UBXN7: variants seen among roughly 807,000 people sequenced by gnomAD.
The protein encoded by UBXN7 is UBX domain protein 7.
In UBXN7, 9 loss-of-function variants were observed where a neutral mutation model predicts 58.0. That is an observed-to-expected ratio of 0.16 (90% CI 0.09 to 0.27). UBXN7 has a LOEUF of 0.27. Ranked by LOEUF, UBXN7 falls within the 10% of genes least tolerant of loss-of-function variation. The probability of loss-of-function intolerance (pLI) is 1.00; values close to 1 mark genes in which losing one functional copy is unlikely to be tolerated. For missense variants in UBXN7, 328 were observed against 599.6 expected (o/e 0.55, Z 4.73); for synonymous variants, 208 against 205.0 (o/e 1.01, Z -0.12).
At chr3:196,407,461 T>C in intron 1 of UBXN7, 68 bp from the exon 2 acceptor site, 1 of 1,523,232 alleles carries the variant, frequency 6.6e-7, no homozygotes, top group Non-Finnish European at 8.7e-7. Context: ...TTTCTTCAGC[T>C]CATATTAGAA....
At chr3:196,398,810 A>T (rs766523842) in intron 3 of UBXN7, among the ~76,000 whole-genome samples, 2 of 151,686 alleles carry the variant, frequency 1.3e-5, no homozygotes, top group Non-Finnish European at 2.9e-5. Context: ...TTTTTTCTTA[A>T]TTTTTTGTAG....
At chr3:196,397,341 A>G (rs1370701234) in intron 3 of UBXN7, among the ~76,000 whole-genome samples, 1 of 152,242 alleles carries the variant, frequency 6.6e-6, no homozygotes, top group South Asian at 2.1e-4. Flanking sequence ...ACATGTCCAC[A>G]TATCTGTTCG....
intron 1 of UBXN7, among the ~76,000 whole-genome samples, chr3:196,417,723 T>TAAAAAAAAAAAAAAAAAAAAAAAA (rs1730541556): frequency 1.3e-5 from 1 of 78,438 alleles, no homozygotes; most frequent in Non-Finnish European, 2.4e-5. Flanking sequence ...GGCAAAATGG[T>TAAAAAAAAAAAAAAAAAAAAAAAA]TAAAAAAAAA....
rs532285680 is a variant in UBXN7 at position 196,426,772 on chromosome 3, C to T, written c.73+5555G>A. Among the ~76,000 whole-genome samples, 8 of 151,186 alleles carry T rather than the reference C, an allele frequency of 5.3e-5. No individual in the cohort carries two copies. In the South Asian group the frequency reaches 1.7e-3, roughly 32 times the overall value. ...CTGAGACAGGAGAATCGCTTGAACCCGGGAGGTGGAGGCTGCAGTGAGCCA... is the reference window on the plus strand; with the variant it reads ...CTGAGACAGGAGAATCGCTTGAACCTGGGAGGTGGAGGCTGCAGTGAGCCA... On this transcript the variant is annotated intron_variant, in intron 1 of 10. Coordinates refer to ENST00000296328, the MANE Select transcript of UBXN7 (RefSeq NM_015562.2).
At chr3:196,432,128 G>C (rs956619423) in intron 1 of UBXN7, 199 bp downstream of exon 1, 1 of 724,766 alleles carries the variant, frequency 1.4e-6, no homozygotes, top group Admixed American at 2.1e-5. Context: ...AGAGAACGAG[G>C]GTATCGGGAG....
intron 4 of UBXN7, 53 bp from the exon 5 acceptor site, chr3:196,391,978 G>GAAAAA (rs11335716): frequency 5.1e-5 from 10 of 194,850 alleles, no homozygotes; most frequent in Admixed American, 1.6e-4. Context: ...GAATCACACT[G>GAAAAA]AAAAAAAAAA....
intron 8 of UBXN7, 151 bp from the exon 9 acceptor site, chr3:196,362,838 C>T (rs1728540565): frequency 1.1e-6 from 1 of 904,526 alleles, no homozygotes; most frequent in Non-Finnish European, 1.7e-6. Flanking sequence ...GTGTCTTACA[C>T]AGCCAAATTG....
At chr3:196,400,733 C>T in intron 3 of UBXN7, 1 of 378,768 alleles carries the variant, frequency 2.6e-6, no homozygotes, top group South Asian at 1.9e-5. Context: ...GACTCCATTT[C>T]TGCAAAACAA....
chr3:196,377,460 T>A lies in UBXN7; in HGVS notation c.469-5418A>T, dbSNP rs115544462. ...ATCTTCCTAATACAGTCCTTTCTCT[T>A]CACAATTATAAACATATGTGGAACC... On this transcript the variant is annotated intron_variant, in intron 5 of 10. Coordinates refer to ENST00000296328, the MANE Select transcript of UBXN7 (RefSeq NM_015562.2). Among the ~76,000 whole-genome samples, 539 of 152,306 alleles carry A rather than the reference T, an allele frequency of 3.5e-3. 1 individual carries two copies. Among genetic ancestry groups the A allele is most frequent in the African/African-American group, 0.012 (508 of 41,554 alleles).
intron 5 of UBXN7, among the ~76,000 whole-genome samples, chr3:196,374,896 AGGGG>A (rs1293260756): frequency 4.2e-4 from 1 of 2,402 alleles, no homozygotes; most frequent in Non-Finnish European, 7.7e-4. Flanking sequence ...GGGGGAGGGG[AGGGG>A]GGGAGGGGGA....
intron 3 of UBXN7, among the ~76,000 whole-genome samples, chr3:196,399,695 C>A (rs1403426895): frequency 1.3e-5 from 2 of 152,170 alleles, no homozygotes; most frequent in Non-Finnish European, 2.9e-5. Flanking sequence ...TCAACTGTGG[C>A]CTCCCAAAGG....
At chr3:196,418,271 A>C (rs567170931) in intron 1 of UBXN7, among the ~76,000 whole-genome samples, 1 of 139,066 alleles carries the variant, frequency 7.2e-6, no homozygotes, top group East Asian at 2.5e-4. Context: ...GGAGGGAGGG[A>C]GGGAAGGAGG....
chr3:196,410,376 T>C (rs569093164), intron 1 of UBXN7, among the ~76,000 whole-genome samples: 3 of 152,348 alleles, frequency 2.0e-5, no homozygotes, highest in African/African-American at 7.2e-5. Flanking sequence ...TCTCATTTGT[T>C]TTCTCTTCTG....
intron 1 of UBXN7, among the ~76,000 whole-genome samples, chr3:196,420,198 G>A (rs1730635771): frequency 6.6e-6 from 1 of 152,044 alleles, no homozygotes; most frequent in African/African-American, 2.4e-5. Context: ...AAACAAGTTT[G>A]ACAAGTTTAC....
intron 1 of UBXN7, among the ~76,000 whole-genome samples, chr3:196,418,955 G>A (rs775935377): frequency 2.0e-5 from 3 of 152,130 alleles, no homozygotes; most frequent in Non-Finnish European, 2.9e-5. Flanking sequence ...TCCTGAGATG[G>A]TGCTACCATA....
At chr3:196,398,546 G>T (rs1309843191) in intron 3 of UBXN7, among the ~76,000 whole-genome samples, 1 of 152,144 alleles carries the variant, frequency 6.6e-6, no homozygotes, top group Non-Finnish European at 1.5e-5. Context: ...GATCTTATCA[G>T]AAAGCCTTCA....
At chr3:196,429,412 T>C (rs971373194) in intron 1 of UBXN7, among the ~76,000 whole-genome samples, 1 of 152,230 alleles carries the variant, frequency 6.6e-6, no homozygotes, top group Non-Finnish European at 1.5e-5. Context: ...AAGACTTTTC[T>C]AAAATCTTTC....
rs771016174 is a variant in UBXN7 at position 196,356,831 on chromosome 3, C to T, written c.1324G>A (p.Val442Met). 6 of 1,608,330 alleles carry T rather than the reference C, an allele frequency of 3.7e-6. No homozygotes were observed. The highest frequency in any genetic ancestry group is 5.1e-6 in the Non-Finnish European group (6 of 1,178,800). Residue 442 changes from valine to methionine, a missense_variant, in exon 11 of 11, where the codon GTG (valine) becomes ATG (methionine). Physicochemically the swap from Val to Met is conservative, Grantham distance 21 (BLOSUM62 1). This residue lies in a region of UBXN7 where 30 missense variants were observed against 94.8 expected (regional missense o/e 0.32). Transcript: ENST00000296328. ...TCATTTGGGTATCCTTTAGACTGCA[C>T]GTGCTTCACCAAAGCCTATAAAAAC... is the stretch of plus-strand genomic sequence containing the variant. ...QAKLLALVKH[V>M]QSKGYPNERF...
At chr3:196,390,074 C>G (rs558388952) in intron 5 of UBXN7, among the ~76,000 whole-genome samples, 1 of 152,018 alleles carries the variant, frequency 6.6e-6, no homozygotes, top group South Asian at 2.1e-4. Context: ...TTAAAATTGG[C>G]CAGGTGTGGT....
Sources: gnomAD v4.1 joint callset for allele counts (sites outside exome capture counted in the v4.1 genomes callset) on GRCh38, gnomAD v4.1.1 for gene constraint, gnomAD v4.1.1 regional missense constraint, MANE v1.5 for transcripts, NCBI Gene and HGNC (gene_info 2026-07-23, HGNC 2026-07-21) for gene names.